SLC17A2: variants seen among roughly 807,000 people sequenced by gnomAD.
The protein encoded by SLC17A2 is solute carrier family 17 member 2.
SLC17A2 carries 38 observed loss-of-function variants against 52.1 expected under a neutral mutation model. The observed-to-expected ratio is 0.73, with a 90% CI of 0.56 to 0.96. The LOEUF (loss-of-function observed/expected upper bound fraction) is 0.96. SLC17A2 is among the 40% of genes least tolerant of loss of function. The pLI is 0.00. For synonymous variants in SLC17A2, 226 were observed against 211.9 expected (o/e 1.07, Z -0.58); for missense variants, 508 against 583.9 (o/e 0.87, Z 1.34).
chr6:25,916,900 C>T, intron 7 of SLC17A2, 54 bp from the exon 8 acceptor site: 2 of 1,610,156 alleles, frequency 1.2e-6, no homozygotes, highest in Non-Finnish European at 1.7e-6. Context: ...GATGGTGCCT[C>T]TCAGAGGAGA....
At chr6:25,924,808 CAA>C (rs33975030) in intron 2 of SLC17A2, among the ~76,000 whole-genome samples, 51,038 of 135,022 alleles carry the variant, frequency 0.38, 9,660 homozygotes, top group East Asian at 0.7. Flanking sequence ...GACTCAATCT[CAA>C]AAAAAAAAAA....
rs972141751 is a variant in SLC17A2 at position 25,915,595 on chromosome 6, C to T, written c.1115G>A (p.Ser372Asn). Residue 372 changes from serine (S) to asparagine (N), a missense_variant, in exon 10 of 12, where the codon AGT becomes AAT. Coordinates refer to ENST00000377850, the MANE Select transcript of SLC17A2 (RefSeq NM_001286123.3). Reference protein sequence around the residue: ...CAVALPFVASSYVITIILLIL... With the variant: ...CAVALPFVASNYVITIILLIL... ...CAGCAAAATAATGGTTATCACGTAA[C>T]TGGAGGCCACAAAGGGCAGGGCCAC... The T allele has an allele frequency of 1.9e-6, 3 of 1,613,386 alleles. No individual in the cohort carries two copies. Among genetic ancestry groups the T allele is most frequent in the Non-Finnish European group, 1.7e-6 (2 of 1,179,630 alleles).
At chr6:25,926,659 A>G (rs1227992171) in intron 1 of SLC17A2, among the ~76,000 whole-genome samples, 2 of 152,228 alleles carry the variant, frequency 1.3e-5, no homozygotes, top group Admixed American at 6.5e-5. Flanking sequence ...GGAAAAATCC[A>G]TATCCTAAGA....
chr6:25,919,021 C>T (rs1481407034), intron 5 of SLC17A2, among the ~76,000 whole-genome samples: 7 of 152,136 alleles, frequency 4.6e-5, no homozygotes, highest in Non-Finnish European at 1.0e-4. Flanking sequence ...TTGATTGTCA[C>T]TAGTGAAATG....
Position 25,916,929 on chromosome 6 carries a change from G to GT in SLC17A2, c.768+39_768+40insA, listed in dbSNP as rs780509378. On this transcript the variant is annotated intron_variant, in intron 7 of 11. Transcript: ENST00000377850. ...GAGGAGATCCACACCCTGCCCTAGA[G>GT]ACCTCTGCATGGGCCACAGGTACAA... 1.0e-3 allele frequency: 1,647 copies of GT among 1,603,036 alleles called. 23 individuals carry two copies. In the South Asian group the frequency reaches 0.017, roughly 17 times the overall value.
intron 1 of SLC17A2, among the ~76,000 whole-genome samples, chr6:25,928,234 C>T (rs951721822): frequency 2.0e-5 from 3 of 152,002 alleles, no homozygotes; most frequent in Non-Finnish European, 4.4e-5. Flanking sequence ...ACAACTTCCC[C>T]TTTGTTTTCG....
Position 25,913,458 on chromosome 6 carries a change from G to A in SLC17A2, c.1303-7C>T. The A allele has an allele frequency of 1.2e-6, 2 of 1,613,362 alleles. No homozygotes were observed. Among genetic ancestry groups the A allele is most frequent in the East Asian group, 2.2e-5 (1 of 44,858 alleles). Reference sequence around the variant, plus strand: ...TCCAACCAGACTCAAAATCCTAGATGTAAAAAACAGAGAAAATGATCAATC... The same window carrying A: ...TCCAACCAGACTCAAAATCCTAGATATAAAAAACAGAGAAAATGATCAATC... On this transcript the variant is annotated splice_region_variant and splice_polypyrimidine_tract_variant and intron_variant, in intron 11 of 11. Coordinates refer to ENST00000377850, the MANE Select transcript of SLC17A2 (RefSeq NM_001286123.3).
chr6:25,927,303 G>A (rs1766803571), intron 1 of SLC17A2, among the ~76,000 whole-genome samples: 1 of 152,152 alleles, frequency 6.6e-6, no homozygotes, highest in Non-Finnish European at 1.5e-5. Context: ...CTAATAATGA[G>A]AGTCTGGCAA....
At position 25,921,042 on chromosome 6, in the gene SLC17A2, G is replaced by A. The variant is rs1766533809; in HGVS notation, c.526C>T (p.Leu176Phe). ...FTIWAKWAPP[L>F]ERSKLTTIAG... ...ATGGTGGTGAGCTTGCTTCGTTCAAGTGGAGGAGCCCACTTTGCCCAAATA... is the reference window on the plus strand; with the variant it reads ...ATGGTGGTGAGCTTGCTTCGTTCAAATGGAGGAGCCCACTTTGCCCAAATA... Residue 176 changes from leucine (L) to phenylalanine (F), a missense_variant, in exon 5 of 12, where the codon CTT becomes TTT. Leu to Phe is a conservative substitution (Grantham distance 22). Coordinates refer to ENST00000377850, the MANE Select transcript of SLC17A2 (RefSeq NM_001286123.3). 6.2e-7 allele frequency: 1 copy of A among 1,614,220 alleles called. No individual in the cohort carries two copies. The highest frequency in any genetic ancestry group is 8.5e-7 in the Non-Finnish European group (1 of 1,180,044).
intron 3 of SLC17A2, among the ~76,000 whole-genome samples, chr6:25,922,680 G>A (rs1766602439): frequency 6.6e-6 from 1 of 152,104 alleles, no homozygotes; most frequent in Non-Finnish European, 1.5e-5. Context: ...ATGAATTATA[G>A]GGATGACATG....
At position 25,930,475 on chromosome 6, in the gene SLC17A2, C is replaced by A. The variant is rs920286288; in HGVS notation, c.-282G>T. The A allele has an allele frequency of 1.3e-5, 2 of 152,242 alleles. No individual in the cohort carries two copies. The highest frequency in any genetic ancestry group is 4.8e-5 in the African/African-American group (2 of 41,460). 9.4% of individuals were successfully genotyped at this position (152,242 alleles called of 1,614,324 possible). A position where few individuals can be genotyped will look rare whatever the true frequency, so the allele number is the denominator to read the frequency against. ...CTGACTTCTCCTAAAACTGTTCCCT[C>A]CCCTTAATGGACCTTTGGTAAGTTA... On this transcript the variant is annotated 5_prime_UTR_variant, in exon 1 of 12. Coordinates refer to ENST00000377850, the MANE Select transcript of SLC17A2 (RefSeq NM_001286123.3).
At chr6:25,925,330 G>A (rs1456996610) in intron 2 of SLC17A2, among the ~76,000 whole-genome samples, 2 of 151,906 alleles carry the variant, frequency 1.3e-5, no homozygotes, top group Non-Finnish European at 2.9e-5. Flanking sequence ...TGGCTAACAC[G>A]GCGAAACTCC....
Position 25,916,788 on chromosome 6 carries a change from C to T in SLC17A2, c.827G>A (p.Trp276Ter). Residue 276 changes from tryptophan to a stop codon, truncating the protein, a stop_gained, in exon 8 of 12, where the codon TGG becomes TAG. Transcript: ENST00000377850. LOFTEE classifies it high-confidence loss of function. ...IKAMVTCLPL[W>*]AIFLGFFSHF... is the part of the protein sequence containing the mutation. ...GCTGAAAAAACCCAGGAAAATGGCC[C>T]AAAGTGGTAGGCATGTGACCATCGC... 1 of 1,614,028 alleles carries T rather than the reference C, an allele frequency of 6.2e-7. No homozygotes were observed. The highest frequency in any genetic ancestry group is 8.5e-7 in the Non-Finnish European group (1 of 1,179,986).
rs768283112 is a variant in SLC17A2 at position 25,915,757 on chromosome 6, G to A, written c.1042C>T (p.Arg348Ter). 13 of 1,614,058 alleles carry A rather than the reference G, an allele frequency of 8.1e-6. No individual in the cohort carries two copies. Among genetic ancestry groups the A allele is most frequent in the Admixed American group, 1.7e-5 (1 of 60,012 alleles). The change falls in exon 9 of 12, where the codon CGA (arginine) becomes TGA (stop). Residue 348 changes from arginine (R) to a stop codon, truncating the protein, a stop_gained. Transcript: ENST00000377850. LOFTEE classifies it high-confidence loss of function. ...TTACCAAGAGATGAAAAGAGCTTTC[G>A]CACAGTGATCAATCTGAGAAGATTC... is the stretch of plus-strand genomic sequence containing the variant. ...SRNLLRLITV[R>*]KLFSSLGLLL...
intron 3 of SLC17A2, 25 bp from the exon 4 acceptor site, chr6:25,921,437 T>C: frequency 6.5e-7 from 1 of 1,538,778 alleles, no homozygotes; most frequent in Non-Finnish European, 9.0e-7. Context: ...GGAAAACTCT[T>C]TGTCAAGAAG....
rs560222486 is a variant in SLC17A2, at chr6:25,926,178, T to C, written c.-83-299A>G. 3.3e-5 allele frequency among the ~76,000 whole-genome samples: 5 copies of C among 152,302 alleles called. No homozygotes were observed. In the South Asian group the frequency reaches 8.3e-4, roughly 25 times the overall value. ...GAAGAATTAAATGAAAAATTGCATG[T>C]ACTTTATCAAACCACAGAGAAGCAT... is the stretch of plus-strand genomic sequence containing the variant. On this transcript the variant is annotated intron_variant, in intron 1 of 11. Coordinates refer to ENST00000377850, the MANE Select transcript of SLC17A2 (RefSeq NM_001286123.3).
chr6:25,923,048 G>T (rs908432225), intron 3 of SLC17A2, among the ~76,000 whole-genome samples: 6 of 152,026 alleles, frequency 3.9e-5, no homozygotes, highest in African/African-American at 1.2e-4. Context: ...TTAGCCAGCC[G>T]CGGTGGCATG....
chr6:25,929,132 AG>A (rs1766865098), intron 1 of SLC17A2, among the ~76,000 whole-genome samples: 1 of 152,112 alleles, frequency 6.6e-6, no homozygotes, highest in East Asian at 1.9e-4. Flanking sequence ...CCAGAGTCCT[AG>A]TTTACTCAGA....
rs1359141189 is a variant in SLC17A2, at chr6:25,914,588, T to G, written c.1294A>C (p.Ile432Leu). The change falls in exon 11 of 12, where the codon ATC (isoleucine) becomes CTC (leucine). Residue 432 changes from isoleucine to leucine, a missense_variant. Coordinates refer to ENST00000377850, the MANE Select transcript of SLC17A2 (RefSeq NM_001286123.3). ...IISSTATGFL[I>L]SQDFESGWRN... ...CAATAAACTGGCCCAACCTGACTGATGAGGAATCCAGTGGCAGTGGAAGAG... is the reference window on the plus strand; with the variant it reads ...CAATAAACTGGCCCAACCTGACTGAGGAGGAATCCAGTGGCAGTGGAAGAG... 10 of 1,608,708 alleles carry G rather than the reference T, an allele frequency of 6.2e-6. No homozygotes were observed. Among genetic ancestry groups the G allele is most frequent in the Admixed American group, 1.7e-5 (1 of 59,994 alleles).
Sources: gnomAD v4.1 joint callset for allele counts (sites outside exome capture counted in the v4.1 genomes callset) on GRCh38, gnomAD v4.1.1 for gene constraint, MANE v1.5 for transcripts, NCBI Gene and HGNC (gene_info 2026-07-23, HGNC 2026-07-21) for gene names.